Variants in GUCY1A2 observed in about 807,000 individuals in gnomAD.
The protein encoded by GUCY1A2 is guanylate cyclase 1 soluble subunit alpha 2.
GUCY1A2 carries 27 observed loss-of-function variants against 63.5 expected under a neutral mutation model. The observed-to-expected ratio is 0.43, with a 90% CI of 0.31 to 0.59. The LOEUF (loss-of-function observed/expected upper bound fraction) is 0.59. GUCY1A2 is among the 20% of genes least tolerant of loss of function. The pLI is 0.11. For synonymous variants in GUCY1A2, 364 were observed against 343.5 expected (o/e 1.06, Z -0.66); for missense variants, 768 against 913.3 (o/e 0.84, Z 2.05).
intron 4 of GUCY1A2, among the ~76,000 whole-genome samples, chr11:106,839,282 T>G (rs889171408): frequency 6.6e-6 from 1 of 151,930 alleles, no homozygotes; most frequent in African/African-American, 2.4e-5. Context: ...GATCAGATAG[T>G]TGTAGATGTG....
intron 4 of GUCY1A2, chr11:106,936,717 A>ATTTT: frequency 7.9e-7 from 1 of 1,273,394 alleles, no homozygotes; most frequent in Non-Finnish European, 1.1e-6. Flanking sequence ...CTTGCTCTTG[A>ATTTT]TTTTTTTTTT....
chr11:106,682,990 T>G lies in GUCY1A2; in HGVS notation c.*4559A>C, dbSNP rs1862456661. The stretch of plus-strand genomic sequence containing the variant: ...TCTTCATTCACCACTACGAGGATCT[T>G]GAAATTGAGTCCATAGCTGAGGTCA... On this transcript the variant is annotated 3_prime_UTR_variant, in exon 8 of 8. Coordinates refer to ENST00000526355, the MANE Select transcript of GUCY1A2 (RefSeq NM_000855.3). 1 of 216,428 alleles carries G rather than the reference T, an allele frequency of 4.6e-6. No homozygotes were observed. The highest frequency in any genetic ancestry group is 5.8e-5 in the Admixed American group (1 of 17,144). The allele number at this position is 216,428 out of a possible 1,614,324, so 13.4% of individuals were successfully genotyped here.
At chr11:106,933,660 A>T (rs1424937903) in intron 4 of GUCY1A2, among the ~76,000 whole-genome samples, 1 of 152,224 alleles carries the variant, frequency 6.6e-6, no homozygotes, top group Non-Finnish European at 1.5e-5. Context: ...TTATTGCAGC[A>T]CTATTCACAA....
chr11:106,996,211 G>A (rs1329395382), intron 1 of GUCY1A2, among the ~76,000 whole-genome samples: 2 of 152,182 alleles, frequency 1.3e-5, no homozygotes, highest in East Asian at 1.9e-4. Flanking sequence ...GGAGGATATG[G>A]AGGAAGTGGT....
At chr11:106,849,239 G>A (rs1246953757) in intron 4 of GUCY1A2, among the ~76,000 whole-genome samples, 3 of 151,410 alleles carry the variant, frequency 2.0e-5, no homozygotes, top group Non-Finnish European at 4.4e-5. Flanking sequence ...GCTCATATAT[G>A]TAGTGAACTG....
chr11:106,731,160 TC>T (rs1282500944), intron 6 of GUCY1A2, among the ~76,000 whole-genome samples: 1 of 152,170 alleles, frequency 6.6e-6, no homozygotes, highest in Non-Finnish European at 1.5e-5. Context: ...CCTCATAAAA[TC>T]TTTGCCCAGT....
chr11:106,827,929 G>T, intron 4 of GUCY1A2: 1 of 1,237,038 alleles, frequency 8.1e-7, no homozygotes, highest in Non-Finnish European at 1.2e-6. Flanking sequence ...TATCGCGGCG[G>T]AACAGCGAGA....
chr11:106,705,397 CAAAG>C (rs2135346655), intron 7 of GUCY1A2, among the ~76,000 whole-genome samples: 1 of 151,988 alleles, frequency 6.6e-6, no homozygotes, highest in Admixed American at 6.6e-5. Context: ...TTGGAATTTC[CAAAG>C]AAAGATGCTC....
chr11:106,944,643 A>G (rs1219387066), intron 3 of GUCY1A2, among the ~76,000 whole-genome samples: 1 of 152,210 alleles, frequency 6.6e-6, no homozygotes, highest in Non-Finnish European at 1.5e-5. Context: ...TGAATTTAAA[A>G]TAAAATTTTT....
At chr11:106,995,971 T>G (rs1471310103) in intron 1 of GUCY1A2, among the ~76,000 whole-genome samples, 1 of 119,418 alleles carries the variant, frequency 8.4e-6, no homozygotes, top group African/African-American at 3.3e-5. Context: ...AGTGGGGTAT[T>G]TCCCAAGAAG....
intron 3 of GUCY1A2, among the ~76,000 whole-genome samples, chr11:106,960,698 A>C (rs1433135380): frequency 6.6e-6 from 1 of 152,180 alleles, no homozygotes; most frequent in Non-Finnish European, 1.5e-5. Context: ...TAAGTTCTTA[A>C]ATCATCACCA....
intron 4 of GUCY1A2, among the ~76,000 whole-genome samples, chr11:106,882,050 A>G (rs1408514541): frequency 6.6e-6 from 1 of 151,774 alleles, no homozygotes; most frequent in Non-Finnish European, 1.5e-5. Flanking sequence ...AAGCGCTCTC[A>G]TTCTCTTTCT....
At chr11:106,860,639 G>C (rs1859498661) in intron 4 of GUCY1A2, among the ~76,000 whole-genome samples, 1 of 151,928 alleles carries the variant, frequency 6.6e-6, no homozygotes, top group East Asian at 1.9e-4. Context: ...CTTTTTACGT[G>C]CCTGGTGACC....
At chr11:106,764,817 C>T (rs1246225907) in intron 6 of GUCY1A2, among the ~76,000 whole-genome samples, 1 of 151,888 alleles carries the variant, frequency 6.6e-6, no homozygotes, top group Non-Finnish European at 1.5e-5. Context: ...AAAAGCAAAG[C>T]TTTTTTCTTT....
intron 7 of GUCY1A2, among the ~76,000 whole-genome samples, chr11:106,688,657 G>A (rs1269000690): frequency 6.6e-6 from 1 of 152,024 alleles, no homozygotes; most frequent in Non-Finnish European, 1.5e-5. Flanking sequence ...ACAAAACACA[G>A]AGTAATATCA....
intron 6 of GUCY1A2, among the ~76,000 whole-genome samples, chr11:106,750,086 G>T (rs1863857594): frequency 6.6e-6 from 1 of 152,042 alleles, no homozygotes; most frequent in African/African-American, 2.4e-5. Flanking sequence ...CAGAAAAGCT[G>T]ACAGTGCAGC....
chr11:106,929,582 A>G (rs902134412), intron 4 of GUCY1A2, among the ~76,000 whole-genome samples: 4 of 152,168 alleles, frequency 2.6e-5, no homozygotes, highest in African/African-American at 9.6e-5. Flanking sequence ...TGAAACTAGC[A>G]TTACAAAAAT....
chr11:106,759,798 T>C (rs1864034173), intron 6 of GUCY1A2, among the ~76,000 whole-genome samples: 1 of 152,100 alleles, frequency 6.6e-6, no homozygotes. Flanking sequence ...AGCCAGTCGT[T>C]GGGGCAGGCG....
chr11:106,826,872 T>C (rs934487253), intron 4 of GUCY1A2: 1 of 1,606,182 alleles, frequency 6.2e-7, no homozygotes, highest in African/African-American at 1.3e-5. Context: ...GATCATCCAC[T>C]TTCAGGCCAC....
Sources: allele counts gnomAD v4.1 joint callset (sites outside exome capture counted in the v4.1 genomes callset), GRCh38; gene constraint gnomAD v4.1.1; transcripts MANE v1.5; gene names NCBI Gene and HGNC (gene_info 2026-07-23, HGNC 2026-07-21).